The following UBE2W variants were observed in gnomAD, a reference collection of about 807,000 sequenced individuals.
UBE2W encodes the protein ubiquitin conjugating enzyme E2 W.
A neutral mutation model predicts 27.2 loss-of-function variants in UBE2W; 18 were observed. That is an observed-to-expected ratio of 0.66 (90% CI 0.46 to 0.98). The LOEUF is 0.98. UBE2W is among the 50% of genes least tolerant of loss of function. The pLI is 0.00. For synonymous variants in UBE2W, 53 were observed against 57.2 expected, an observed-to-expected ratio of 0.93 and a Z score of 0.33; for missense variants, 90 against 180.2, an observed-to-expected ratio of 0.50 and a Z score of 2.87.
intron 1 of UBE2W, chr8:73,870,182 G>C: frequency 1.5e-6 from 2 of 1,350,814 alleles, no homozygotes; most frequent in Non-Finnish European, 2.1e-6. Context: ...GCATTAAAAG[G>C]ATGTCAAAAT....
chr8:73,874,624 G>A (rs1212526347), intron 1 of UBE2W, among the ~76,000 whole-genome samples: 4 of 152,174 alleles, frequency 2.6e-5, no homozygotes, highest in Non-Finnish European at 5.9e-5. Flanking sequence ...CAAATAATCA[G>A]TCCCTAAAAC....
chr8:73,831,261 T>C (rs144874436), intron 1 of UBE2W: 341 of 286,138 alleles, frequency 1.2e-3, no homozygotes, highest in African/African-American at 7.2e-3. Context: ...TAAAAAGATA[T>C]TCAATGAAGA....
intron 1 of UBE2W, among the ~76,000 whole-genome samples, chr8:73,847,093 A>G (rs925869526): frequency 2.0e-5 from 3 of 152,060 alleles, no homozygotes; most frequent in Non-Finnish European, 4.4e-5. Flanking sequence ...TGCTCGAACC[A>G]GGGAAGCAGA....
chr8:73,874,065 T>C (rs892076491), intron 1 of UBE2W, among the ~76,000 whole-genome samples: 1 of 152,156 alleles, frequency 6.6e-6, no homozygotes, highest in African/African-American at 2.4e-5. Context: ...AATTCTAAAA[T>C]CAGAAATTAT....
chr8:73,787,578 G>A lies in UBE2W; in HGVS notation c.*6524C>T, dbSNP rs1808008678. 1.0e-6 allele frequency: 1 copy of A among 985,234 alleles called. No individual in the cohort carries two copies. Among genetic ancestry groups the A allele is most frequent in the East Asian group, 1.1e-4 (1 of 8,824 alleles). 61.0% of individuals were successfully genotyped at this position (985,234 alleles called of 1,614,324 possible). ...CTCAATGAGGACTAAGGTGCTCCTG[G>A]GGCAAGCAGATCCCCTGCAGAAAAG... On this transcript the variant is annotated 3_prime_UTR_variant, in exon 6 of 6. Coordinates refer to ENST00000602593, the MANE Select transcript of UBE2W (RefSeq NM_018299.6).
Position 73,791,449 on chromosome 8 carries a change from G to A in UBE2W, c.*2653C>T, listed in dbSNP as rs1808192201. 1.0e-6 allele frequency: 1 copy of A among 985,186 alleles called. No homozygotes were observed. Among genetic ancestry groups the A allele is most frequent in the East Asian group, 1.1e-4 (1 of 8,818 alleles). The allele number at this position is 985,186 out of a possible 1,614,324, so 61.0% of individuals were successfully genotyped here. A position where few individuals can be genotyped will look rare whatever the true frequency, so the allele number is the denominator to read the frequency against. ...TAAGTATGAAAGTCTAATTCTGTAG[G>A]CCTATGTCGCAAATAGTGCCCCACG... On this transcript the variant is annotated 3_prime_UTR_variant, in exon 6 of 6. Transcript: ENST00000602593.
chr8:73,810,377 A>C lies in UBE2W; in HGVS notation c.366+97T>G. 2.4e-6 allele frequency: 3 copies of C among 1,229,254 alleles called. No individual in the cohort carries two copies. In the South Asian group the frequency reaches 4.9e-5, roughly 20 times the overall value. 76.1% of individuals were successfully genotyped at this position (1,229,254 alleles called of 1,614,324 possible). On this transcript the variant is annotated intron_variant, in intron 4 of 5. Coordinates refer to ENST00000602593, the MANE Select transcript of UBE2W (RefSeq NM_018299.6). ...CTATAATTTTCAAATAAAAAGCATAAATCCTTCCTCCAAATAAAAATAATT... is the reference window on the plus strand; with the variant it reads ...CTATAATTTTCAAATAAAAAGCATACATCCTTCCTCCAAATAAAAATAATT...
chr8:73,802,078 T>TA (rs1330157577), intron 5 of UBE2W, among the ~76,000 whole-genome samples: 5 of 152,238 alleles, frequency 3.3e-5, no homozygotes, highest in Non-Finnish European at 7.3e-5. Context: ...ATTTCATAAA[T>TA]AAAACTTTTC....
At chr8:73,823,935 A>G (rs1281598850) in intron 3 of UBE2W, among the ~76,000 whole-genome samples, 1 of 152,138 alleles carries the variant, frequency 6.6e-6, no homozygotes, top group Non-Finnish European at 1.5e-5. Flanking sequence ...ATGAAATATG[A>G]TTTTCCTCCA....
intron 1 of UBE2W, among the ~76,000 whole-genome samples, chr8:73,837,288 G>A (rs1810349257): frequency 6.6e-6 from 1 of 152,224 alleles, no homozygotes; most frequent in Non-Finnish European, 1.5e-5. Flanking sequence ...CGAGGCAGGT[G>A]CATCACCTGA....
chr8:73,840,375 AT>A (rs1810491772), intron 1 of UBE2W, among the ~76,000 whole-genome samples: 1 of 152,198 alleles, frequency 6.6e-6, no homozygotes, highest in African/African-American at 2.4e-5. Context: ...TCATTTCTAA[AT>A]TAGTCTGGCT....
At chr8:73,877,631 C>CA (rs1812287126) in intron 1 of UBE2W, among the ~76,000 whole-genome samples, 1 of 152,060 alleles carries the variant, frequency 6.6e-6, no homozygotes, top group Non-Finnish European at 1.5e-5. Flanking sequence ...GAAACAAAAG[C>CA]AAAAAACACT....
chr8:73,870,974 AGG>A (rs1811988950), intron 1 of UBE2W, among the ~76,000 whole-genome samples: 1 of 152,098 alleles, frequency 6.6e-6, no homozygotes, highest in Non-Finnish European at 1.5e-5. Context: ...AAGACCTCCT[AGG>A]CTATAACATG....
intron 5 of UBE2W, among the ~76,000 whole-genome samples, chr8:73,801,413 T>TA (rs1254113138): frequency 4.6e-5 from 7 of 152,276 alleles, no homozygotes; most frequent in South Asian, 4.1e-4. Flanking sequence ...TGTGTACTTT[T>TA]AAAAAAACTC....
chr8:73,873,279 T>G (rs1440110278), intron 1 of UBE2W, among the ~76,000 whole-genome samples: 1 of 152,148 alleles, frequency 6.6e-6, no homozygotes, highest in East Asian at 1.9e-4. Flanking sequence ...TATCTAACTG[T>G]CAAGGCAACA....
intron 1 of UBE2W, among the ~76,000 whole-genome samples, chr8:73,855,394 CTTTTTTTTT>C (rs66577299): frequency 2.4e-5 from 2 of 84,710 alleles, no homozygotes; most frequent in African/African-American, 1.0e-4. Context: ...ATTCTACTTT[CTTTTTTTTT>C]TTTTTTTTTT....
chr8:73,811,551 A>C (rs1809154311), intron 3 of UBE2W, among the ~76,000 whole-genome samples: 1 of 146,120 alleles, frequency 6.8e-6, no homozygotes, highest in African/African-American at 2.8e-5. Context: ...CTAATTCCTG[A>C]CCTCGCCAAA....
intron 1 of UBE2W, among the ~76,000 whole-genome samples, chr8:73,846,278 C>T (rs943603462): frequency 6.6e-6 from 1 of 152,020 alleles, no homozygotes; most frequent in African/African-American, 2.4e-5. Context: ...TGTCTGTAGT[C>T]CCAGCTACTC....
chr8:73,835,185 G>A (rs749228470), intron 1 of UBE2W, among the ~76,000 whole-genome samples: 1 of 151,644 alleles, frequency 6.6e-6, no homozygotes, highest in Non-Finnish European at 1.5e-5. Context: ...GCGCTTTATT[G>A]GTATATCATC....
Sources: gnomAD v4.1 joint callset for allele counts (sites outside exome capture counted in the v4.1 genomes callset) on GRCh38, gnomAD v4.1.1 for gene constraint, MANE v1.5 for transcripts, NCBI Gene and HGNC (gene_info 2026-07-23, HGNC 2026-07-21) for gene names.